Variants in SH2D4B observed in about 807,000 individuals in gnomAD.
SH2D4B encodes SH2 domain-containing protein 4B.
Under a neutral mutation model 61.5 loss-of-function variants are expected in SH2D4B, and 45 were observed. The ratio of observed to expected loss-of-function variants is 0.73; its 90% CI spans 0.58 to 0.94. The LOEUF (loss-of-function observed/expected upper bound fraction) is 0.94. SH2D4B is among the 40% of genes least tolerant of loss of function. SH2D4B has a pLI of 0.00. For missense variants in SH2D4B, 572 were observed against 574.2 expected (o/e 1.00, Z 0.04); for synonymous variants, 224 against 220.4 (o/e 1.02, Z -0.14).
chr10:80,548,337 T>C (rs1483410561), intron 1 of SH2D4B, among the ~76,000 whole-genome samples: 2 of 152,170 alleles, frequency 1.3e-5, no homozygotes, highest in Non-Finnish European at 2.9e-5. Context: ...CTAATATTTG[T>C]ATTTTTAGCA....
chr10:80,540,844 C>T (rs986592791), intron 1 of SH2D4B: 52 of 1,551,008 alleles, frequency 3.4e-5, no homozygotes, highest in Non-Finnish European at 3.6e-5. Context: ...TGTCCCAGGG[C>T]GGGAATTGTG....
chr10:80,634,012 G>A (rs185223816), intron 6 of SH2D4B, among the ~76,000 whole-genome samples: 7 of 152,292 alleles, frequency 4.6e-5, no homozygotes, highest in Admixed American at 3.3e-4. Flanking sequence ...AAATCACCCT[G>A]GCTCAATGTG....
At position 80,613,134 on chromosome 10, in the gene SH2D4B, T is replaced by A. The variant is rs1037256522; in HGVS notation, c.988+3583T>A. On this transcript the variant is annotated intron_variant, in intron 6 of 7. Coordinates refer to ENST00000646907, the MANE Select transcript of SH2D4B (RefSeq NM_001388272.1). ...CACAGAGTGCAGAGTGAGAGGGGAC[T>A]GGGAACAGGCTTTTCTCTGGGACCA... 2.0e-5 allele frequency among the ~76,000 whole-genome samples: 3 copies of A among 152,202 alleles called. No homozygotes were observed. The East Asian group carries it at 5.8e-4, about 29-fold the overall frequency.
chr10:80,601,025 CCCT>C (rs1842447519), intron 4 of SH2D4B, among the ~76,000 whole-genome samples: 2 of 152,142 alleles, frequency 1.3e-5, no homozygotes, highest in African/African-American at 4.8e-5. Context: ...TTACAGACCT[CCCT>C]TTTGAGTTTT....
At chr10:80,593,152 C>T (rs1429410476) in intron 4 of SH2D4B, among the ~76,000 whole-genome samples, 6 of 152,150 alleles carry the variant, frequency 3.9e-5, no homozygotes, top group Non-Finnish European at 7.4e-5. Flanking sequence ...GTTTGTTCTT[C>T]TTTTTCAGGA....
At chr10:80,632,543 T>A (rs893130622) in intron 6 of SH2D4B, among the ~76,000 whole-genome samples, 7 of 152,140 alleles carry the variant, frequency 4.6e-5, no homozygotes, top group Non-Finnish European at 7.4e-5. Flanking sequence ...CATATCAGCT[T>A]GAGGTGCTTG....
At chr10:80,596,006 T>TCCACA (rs1228006304) in intron 4 of SH2D4B, among the ~76,000 whole-genome samples, 25 of 152,206 alleles carry the variant, frequency 1.6e-4, no homozygotes, top group Non-Finnish European at 3.7e-4. Context: ...GTGGGGTCTG[T>TCCACA]TTATATTCAG....
chr10:80,574,036 C>A (rs1342734945), intron 3 of SH2D4B, among the ~76,000 whole-genome samples: 1 of 152,210 alleles, frequency 6.6e-6, no homozygotes, highest in South Asian at 2.1e-4. Flanking sequence ...AAAGTGCTGA[C>A]CACCTAATCC....
intron 5 of SH2D4B, among the ~76,000 whole-genome samples, chr10:80,605,215 T>C (rs1168299332): frequency 6.6e-6 from 1 of 152,214 alleles, no homozygotes; most frequent in Admixed American, 6.5e-5. Flanking sequence ...TTCTGCACTT[T>C]GATTGCTTTC....
At chr10:80,592,008 T>A (rs775140075) in intron 4 of SH2D4B, among the ~76,000 whole-genome samples, 2 of 152,216 alleles carry the variant, frequency 1.3e-5, no homozygotes, top group Non-Finnish European at 2.9e-5. Context: ...TTATTAGCAA[T>A]GTATGAGGGA....
chr10:80,583,649 G>C (rs933466241), intron 3 of SH2D4B, among the ~76,000 whole-genome samples: 2 of 152,074 alleles, frequency 1.3e-5, no homozygotes, highest in African/African-American at 4.8e-5. Context: ...CAGCCTGGGT[G>C]ACAGTGAGAC....
chr10:80,625,359 A>T (rs1009678936), intron 6 of SH2D4B, among the ~76,000 whole-genome samples: 3 of 152,220 alleles, frequency 2.0e-5, no homozygotes, highest in African/African-American at 4.8e-5. Flanking sequence ...ATACCAAGAT[A>T]TGCAGATGCT....
At chr10:80,574,861 C>A (rs1284236261) in intron 3 of SH2D4B, among the ~76,000 whole-genome samples, 1 of 152,000 alleles carries the variant, frequency 6.6e-6, no homozygotes, top group Non-Finnish European at 1.5e-5. Context: ...CCACCACACC[C>A]AGCTAATTTT....
At chr10:80,577,738 A>G (rs1368740894) in intron 3 of SH2D4B, among the ~76,000 whole-genome samples, 1 of 149,540 alleles carries the variant, frequency 6.7e-6, no homozygotes. Context: ...TTTTTTTTGT[A>G]TTTTTAGTAG....
chr10:80,587,816 T>A (rs1842278355), intron 3 of SH2D4B, among the ~76,000 whole-genome samples: 2 of 152,214 alleles, frequency 1.3e-5, no homozygotes, highest in African/African-American at 4.8e-5. Context: ...AGTGTTTAGC[T>A]TCCACTTATA....
chr10:80,588,099 G>C (rs1842281201), intron 3 of SH2D4B, among the ~76,000 whole-genome samples: 1 of 152,216 alleles, frequency 6.6e-6, no homozygotes, highest in Non-Finnish European at 1.5e-5. Context: ...CAATCACCTA[G>C]ATGATGAGTA....
At chr10:80,618,481 G>T (rs1343318769) in intron 6 of SH2D4B, among the ~76,000 whole-genome samples, 1 of 152,082 alleles carries the variant, frequency 6.6e-6, no homozygotes, top group African/African-American at 2.4e-5. Context: ...ATTTCATTTG[G>T]CGTTATAAAA....
At chr10:80,634,138 T>C in intron 6 of SH2D4B, 147 bp from the exon 7 acceptor site, 1 of 1,128,760 alleles carries the variant, frequency 8.9e-7, no homozygotes, top group Non-Finnish European at 1.2e-6. Flanking sequence ...GGCCAGCCCT[T>C]GGGGCTCTTT....
intron 1 of SH2D4B, among the ~76,000 whole-genome samples, chr10:80,568,903 G>A (rs561183842): frequency 6.6e-6 from 1 of 152,220 alleles, no homozygotes; most frequent in South Asian, 2.1e-4. Flanking sequence ...GAAAGCATGG[G>A]GTCTGCTTTT....
Sources: allele counts gnomAD v4.1 joint callset (sites outside exome capture counted in the v4.1 genomes callset), GRCh38; gene constraint gnomAD v4.1.1; transcripts MANE v1.5; gene names NCBI Gene and HGNC (gene_info 2026-07-23, HGNC 2026-07-21).